ZC3H3: variants seen among roughly 807,000 people sequenced by gnomAD.
ZC3H3 encodes the protein zinc finger CCCH-type containing 3.
Under a neutral mutation model 77.3 loss-of-function variants are expected in ZC3H3, and 36 were observed. The ratio of observed to expected loss-of-function variants is 0.47; its 90% CI spans 0.36 to 0.61. The LOEUF is 0.61. ZC3H3 is among the 20% of genes least tolerant of loss of function. ZC3H3 has a pLI of 0.00. For synonymous variants in ZC3H3, 626 were observed against 555.2 expected (o/e 1.13, Z -1.79); for missense variants, 1,331 against 1,312.2 (o/e 1.01, Z -0.22).
intron 9 of ZC3H3, among the ~76,000 whole-genome samples, chr8:143,446,972 C>A (rs1002649158): frequency 1.3e-5 from 2 of 152,266 alleles, no homozygotes; most frequent in African/African-American, 4.8e-5. Context: ...CCAGCCTGGC[C>A]CTGGGAGCAT....
chr8:143,446,396 G>A (rs962033486), intron 9 of ZC3H3, among the ~76,000 whole-genome samples: 2 of 152,118 alleles, frequency 1.3e-5, no homozygotes, highest in East Asian at 1.9e-4. Flanking sequence ...GAAGACATGT[G>A]ACTAACAGAT....
rs373984566 is a variant in ZC3H3 at position 143,475,579 on chromosome 8, C to G, written c.1722G>C (p.Leu574=). The G allele has an allele frequency of 5.1e-4, 807 of 1,592,672 alleles. 2 individuals are homozygous for G. Among genetic ancestry groups the G allele is most frequent in the Non-Finnish European group, 6.4e-4 (748 of 1,169,908 alleles). ...CAACTGGACGCAGGCGGTTCAGCAC[C>G]AGGGACCTGCAGAGACAGGAAATGC... ...RARRLSLSRS[L]VLNRLRPVAS... Residue 574 remains leucine, a synonymous_variant, in exon 5 of 12, where the codon CTG becomes CTC. Transcript: ENST00000262577.
intron 4 of ZC3H3, among the ~76,000 whole-genome samples, chr8:143,482,888 C>G (rs1284177638): frequency 6.6e-6 from 1 of 152,178 alleles, no homozygotes; most frequent in African/African-American, 2.4e-5. Context: ...CCAGAAGAGG[C>G]AGGACCACAG....
chr8:143,471,400 G>A (rs1428736812), intron 5 of ZC3H3, among the ~76,000 whole-genome samples: 3 of 152,248 alleles, frequency 2.0e-5, no homozygotes, highest in Non-Finnish European at 4.4e-5. Context: ...GGGAGGCGCA[G>A]AGGCCGGACG....
intron 3 of ZC3H3, among the ~76,000 whole-genome samples, chr8:143,535,987 G>A (rs1822782266): frequency 6.6e-6 from 1 of 152,216 alleles, no homozygotes; most frequent in African/African-American, 2.4e-5. Flanking sequence ...TCCTCCCTCA[G>A]GAGGGACACA....
chr8:143,475,355 C>T, intron 5 of ZC3H3, 43 bp downstream of exon 5: 3 of 1,584,662 alleles, frequency 1.9e-6, no homozygotes, highest in Non-Finnish European at 2.6e-6. Context: ...CACACGCTAG[C>T]CGGTCGGTGT....
intron 9 of ZC3H3, among the ~76,000 whole-genome samples, chr8:143,443,284 CAAAAAAAA>C (rs34765299): frequency 4.8e-5 from 3 of 61,956 alleles, no homozygotes; most frequent in African/African-American, 1.8e-4. Context: ...GACCCTGTCT[CAAAAAAAA>C]AAAAAAAAAA....
rs35155580 is a variant in ZC3H3 at position 143,528,741 on chromosome 8, G to A, written c.1561+7516C>T. 8.4e-3 allele frequency among the ~76,000 whole-genome samples: 1,279 copies of A among 152,318 alleles called. 9 individuals carry two copies. Among genetic ancestry groups the A allele is most frequent in the African/African-American group, 0.029 (1,211 of 41,582 alleles). ...CCCTCACCCCTCGGTTGCCCGCTAA[G>A]CATGGTGACTGCCCCACCTTCCCGC... On this transcript the variant is annotated intron_variant, in intron 3 of 11. Transcript: ENST00000262577.
At chr8:143,484,819 C>G (rs1586912665) in intron 4 of ZC3H3, 2 of 442,644 alleles carry the variant, frequency 4.5e-6, no homozygotes, top group Non-Finnish European at 9.0e-6. Flanking sequence ...AGACTCACAG[C>G]AGACATCCCC....
At chr8:143,532,022 A>T (rs192844050) in intron 3 of ZC3H3, among the ~76,000 whole-genome samples, 21 of 152,384 alleles carry the variant, frequency 1.4e-4, no homozygotes, top group Admixed American at 5.9e-4. Flanking sequence ...ACGCTGCAAT[A>T]GTAACTCAGG....
intron 5 of ZC3H3, among the ~76,000 whole-genome samples, chr8:143,473,723 T>C (rs1820644739): frequency 1.3e-5 from 2 of 152,192 alleles, no homozygotes; most frequent in African/African-American, 4.8e-5. Context: ...CTCATGGCTT[T>C]GTCCCTGGGG....
intron 5 of ZC3H3, among the ~76,000 whole-genome samples, chr8:143,469,334 T>A (rs888561248): frequency 1.3e-5 from 2 of 152,228 alleles, no homozygotes; most frequent in Admixed American, 1.3e-4. Flanking sequence ...TTTAGAGGGC[T>A]ATAAAACTAA....
intron 4 of ZC3H3, among the ~76,000 whole-genome samples, chr8:143,502,555 C>T (rs1028857303): frequency 2.0e-5 from 3 of 152,342 alleles, no homozygotes; most frequent in Middle Eastern, 3.4e-3. Context: ...GAGGCAGCCT[C>T]GTGACAGGAC....
intron 4 of ZC3H3, among the ~76,000 whole-genome samples, chr8:143,478,255 C>T (rs1820798206): frequency 6.6e-6 from 1 of 152,250 alleles, no homozygotes; most frequent in Admixed American, 6.5e-5. Context: ...CCACCACCCA[C>T]TCACTGTGTG....
chr8:143,515,534 C>G (rs1179138026), intron 3 of ZC3H3, among the ~76,000 whole-genome samples: 1 of 152,260 alleles, frequency 6.6e-6, no homozygotes, highest in Non-Finnish European at 1.5e-5. Context: ...CTCCCAGGCC[C>G]CTCCACTGTT....
At chr8:143,458,463 C>T (rs368145758) in intron 9 of ZC3H3, among the ~76,000 whole-genome samples, 1,598 of 120,670 alleles carry the variant, frequency 0.013, 32 homozygotes, top group African/African-American at 0.046. Flanking sequence ...CAGTGGCTCA[C>T]GCCTGTAACC....
chr8:143,505,600 G>A lies in ZC3H3; in HGVS notation c.1715+2146C>T, dbSNP rs187695522. Among the ~76,000 whole-genome samples the A allele has an allele frequency of 4.2e-3, 639 of 152,298 alleles. 4 individuals are homozygous for A. Among genetic ancestry groups the A allele is most frequent in the African/African-American group, 0.012 (504 of 41,554 alleles). On this transcript the variant is annotated intron_variant, in intron 4 of 11. Coordinates refer to ENST00000262577, the MANE Select transcript of ZC3H3 (RefSeq NM_015117.3). ...CACCCTATCCACAAGCCCAGGGTTC[G>A]TGTCCCGAAGGGTCCCAGACGCCTG... is the stretch of plus-strand genomic sequence containing the variant.
intron 3 of ZC3H3, among the ~76,000 whole-genome samples, chr8:143,522,410 T>C (rs781255535): frequency 4.0e-5 from 6 of 151,808 alleles, no homozygotes; most frequent in Admixed American, 1.3e-4. Flanking sequence ...CGAGACGAGC[T>C]TGGCCAACAT....
chr8:143,536,461 G>C lies in ZC3H3; in HGVS notation c.1365-8C>G, dbSNP rs952439635. 1.3e-6 allele frequency: 2 copies of C among 1,490,032 alleles called. No homozygotes were observed. Among genetic ancestry groups the C allele is most frequent in the African/African-American group, 1.4e-5 (1 of 71,156 alleles). The allele number at this position is 1,490,032 out of a possible 1,614,324, so 92.3% of individuals were successfully genotyped here. A position where few individuals can be genotyped will look rare whatever the true frequency, so the allele number is the denominator to read the frequency against. ...TTCTTGTCTCCAGGAAGGCTGTGGA[G>C]ACAAAATACAGGCAGCTCTCAACAA... On this transcript the variant is annotated splice_region_variant and splice_polypyrimidine_tract_variant and intron_variant, in intron 2 of 11. Coordinates refer to ENST00000262577, the MANE Select transcript of ZC3H3 (RefSeq NM_015117.3).
Sources: allele counts gnomAD v4.1 joint callset (sites outside exome capture counted in the v4.1 genomes callset), GRCh38; gene constraint gnomAD v4.1.1; transcripts MANE v1.5; gene names NCBI Gene and HGNC (gene_info 2026-07-23, HGNC 2026-07-21).